GPR37: variants seen among roughly 807,000 people sequenced by gnomAD.
GPR37 encodes the protein G protein-coupled receptor 37.
In GPR37, 20 loss-of-function variants were observed where a neutral mutation model predicts 43.6. That is an observed-to-expected ratio of 0.46 (90% CI 0.32 to 0.67). The LOEUF (loss-of-function observed/expected upper bound fraction) is 0.67. Ranked by LOEUF, GPR37 falls within the 30% of genes least tolerant of loss-of-function variation. The pLI, the probability that GPR37 is intolerant of heterozygous loss-of-function variation, is 0.03. For missense variants in GPR37, 724 were observed against 797.2 expected, an observed-to-expected ratio of 0.91 and a Z score of 1.11; for synonymous variants, 315 against 322.6, an observed-to-expected ratio of 0.98 and a Z score of 0.25.
intron 1 of GPR37, among the ~76,000 whole-genome samples, chr7:124,758,396 T>C (rs2116322877): frequency 6.6e-6 from 1 of 152,352 alleles, no homozygotes; most frequent in African/African-American, 2.4e-5. Context: ...AGAATACTAT[T>C]AGTAACTTTA....
Position 124,764,075 on chromosome 7 carries a change from G to A in GPR37, c.902C>T (p.Ala301Val). 6.2e-7 allele frequency: 1 copy of A among 1,614,186 alleles called. No individual in the cohort carries two copies. Among genetic ancestry groups the A allele is most frequent in the Non-Finnish European group, 8.5e-7 (1 of 1,180,026 alleles). ...GAGAAAGTCCCAGAAGGCCAGGTTG[G>A]CCAAGAGGGAGTTGGAGATGCTCCG... ...YMRSISNSLL[A>V]NLAFWDFLII... The change falls in exon 1 of 2, where the codon GCC becomes GTC. Residue 301 changes from alanine to valine, a missense_variant. Ala to Val is a moderately conservative substitution (Grantham distance 64, BLOSUM62 0). Around this residue, in one of 2 missense-constraint regions of GPR37, gnomAD observed 342 missense variants for 441.8 expected, o/e 0.77. Transcript: ENST00000303921. The surrounding 1 kb of genome is among the most constrained non-coding windows in gnomAD (Gnocchi z 5.4).
chr7:124,764,727 G>T lies in GPR37; in HGVS notation c.250C>A (p.Pro84Thr). ...EEQGAAFLAG[P>T]SWDLPAAPGR... ...GGGGCCGCCGGCAGGTCCCAGGAGG[G>T]TCCCGCAAGAAACGCTGCCCCCTGC... The change falls in exon 1 of 2, where the codon CCC becomes ACC. Residue 84 changes from proline (P) to threonine (T), a missense_variant. Physicochemically the swap from Pro to Thr is conservative, Grantham distance 38. Transcript: ENST00000303921. The surrounding 1 kb of genome is among the most constrained non-coding windows in gnomAD (Gnocchi z 5.4). 1 of 1,608,740 alleles carries T rather than the reference G, an allele frequency of 6.2e-7. No individual in the cohort carries two copies. The highest frequency in any genetic ancestry group is 8.5e-7 in the Non-Finnish European group (1 of 1,179,298).
At position 124,744,887 on chromosome 7, in the gene GPR37, TCTGCTCAG is replaced by T. The variant is rs990672044; in HGVS notation, c.*1630_*1637del. 3.9e-5 allele frequency: 6 copies of T among 152,124 alleles called. No homozygotes were observed. The highest frequency in any genetic ancestry group is 6.6e-5 in the Admixed American group (1 of 15,250). 9.4% of individuals were successfully genotyped at this position (152,124 alleles called of 1,614,324 possible). On this transcript the variant is annotated 3_prime_UTR_variant, in exon 2 of 2. Coordinates refer to ENST00000303921, the MANE Select transcript of GPR37 (RefSeq NM_005302.5). ...GACACTATGGAATCACAGTTGCTGT[TCTGCTCAG>T]CAGCCAAAACCTAGCTCAGGTGTCC...
intron 1 of GPR37, among the ~76,000 whole-genome samples, chr7:124,755,467 T>A (rs1793781531): frequency 6.6e-6 from 1 of 152,172 alleles, no homozygotes; most frequent in African/African-American, 2.4e-5. Flanking sequence ...TCCCAAAACT[T>A]GTCTTGATTC....
chr7:124,758,041 GT>G lies in GPR37; in HGVS notation c.1023+5912del, dbSNP rs149946300. Reference sequence around the variant, plus strand: ...GCCAGACAATATCTATAGAAGGGAAGTTAAAAAATCAATTTTCCTATTTATA... The same window carrying G: ...GCCAGACAATATCTATAGAAGGGAAGTAAAAAATCAATTTTCCTATTTATA... On this transcript the variant is annotated intron_variant, in intron 1 of 1. Coordinates refer to ENST00000303921, the MANE Select transcript of GPR37 (RefSeq NM_005302.5). 7.8e-3 allele frequency among the ~76,000 whole-genome samples: 1,187 copies of G among 152,238 alleles called. 18 individuals are homozygous for G. Among genetic ancestry groups the G allele is most frequent in the African/African-American group, 0.027 (1,139 of 41,536 alleles).
At chr7:124,759,087 G>A (rs1348951354) in intron 1 of GPR37, among the ~76,000 whole-genome samples, 2 of 138,412 alleles carry the variant, frequency 1.4e-5, no homozygotes, top group Admixed American at 7.1e-5. Context: ...TTTTTTTTGA[G>A]ACAGGGTCCC....
chr7:124,757,464 T>C (rs547681859), intron 1 of GPR37, among the ~76,000 whole-genome samples: 71 of 152,278 alleles, frequency 4.7e-4, no homozygotes, highest in African/African-American at 1.7e-3. Context: ...CTGGGAAAGC[T>C]AAAGGAAACA....
Position 124,761,470 on chromosome 7 carries a change from A to G in GPR37, c.1023+2484T>C, listed in dbSNP as rs76825073. Among the ~76,000 whole-genome samples the G allele has an allele frequency of 6.1e-3, 924 of 152,250 alleles. 10 individuals carry two copies. The highest frequency in any genetic ancestry group is 0.021 in the African/African-American group (892 of 41,536). ...GGCTGCATGGCCATCCCAGCCCTAA[A>G]GCTCCTAATGGTGTCAGCTGAGGTC... On this transcript the variant is annotated intron_variant, in intron 1 of 1. Transcript: ENST00000303921.
intron 1 of GPR37, among the ~76,000 whole-genome samples, chr7:124,749,995 G>T (rs1255462630): frequency 6.6e-6 from 1 of 151,922 alleles, no homozygotes; most frequent in African/African-American, 2.4e-5. Flanking sequence ...AATTTGTTTT[G>T]CGTCTATGCT....
rs724356 is a variant in GPR37, at chr7:124,747,320, A to T, written c.1047T>A (p.Thr349=). ...CTATGCACAGAGCACATAAGGTGAA[A>T]GTGGTGACTCCCAGAGAAGCGACCT... The part of the protein sequence containing the change: ...YIEVASLGVT[T]FTLCALCIDR... Residue 349 remains threonine, a synonymous_variant, in exon 2 of 2, where the codon ACT becomes ACA. Transcript: ENST00000303921. 6.2e-7 allele frequency: 1 copy of T among 1,611,546 alleles called. No individual in the cohort carries two copies. Among genetic ancestry groups the T allele is most frequent in the East Asian group, 2.2e-5 (1 of 44,826 alleles).
chr7:124,747,442 G>A, intron 1 of GPR37, 99 bp from the exon 2 acceptor site: 5 of 708,900 alleles, frequency 7.1e-6, no homozygotes, highest in South Asian at 2.0e-5. Context: ...AAAAAAATAT[G>A]GATAAATAAA....
intron 1 of GPR37, among the ~76,000 whole-genome samples, chr7:124,756,085 T>G (rs925781950): frequency 6.6e-6 from 1 of 152,200 alleles, no homozygotes; most frequent in Non-Finnish European, 1.5e-5. Flanking sequence ...CTTGATTCAA[T>G]CTTCTTATAA....
intron 1 of GPR37, among the ~76,000 whole-genome samples, chr7:124,756,263 C>T (rs1162888035): frequency 2.0e-5 from 3 of 152,190 alleles, no homozygotes; most frequent in African/African-American, 7.2e-5. Flanking sequence ...AAGTAACATC[C>T]CTGAATAGAG....
intron 1 of GPR37, 75 bp from the exon 2 acceptor site, chr7:124,747,418 T>G: frequency 1.1e-6 from 1 of 891,806 alleles, no homozygotes; most frequent in Admixed American, 2.7e-5. Flanking sequence ...AAATGCAGAT[T>G]GGCAAAACTG....
intron 1 of GPR37, among the ~76,000 whole-genome samples, chr7:124,752,919 G>A (rs966228984): frequency 2.0e-5 from 3 of 151,990 alleles, no homozygotes; most frequent in African/African-American, 7.2e-5. Flanking sequence ...CAGAATTCAT[G>A]TCTAAATGTA....
At chr7:124,761,566 A>G (rs1380932503) in intron 1 of GPR37, among the ~76,000 whole-genome samples, 2 of 152,182 alleles carry the variant, frequency 1.3e-5, no homozygotes, top group East Asian at 3.9e-4. Flanking sequence ...TTTCCTTAAT[A>G]GGTTGAACCT....
intron 1 of GPR37, among the ~76,000 whole-genome samples, chr7:124,753,847 T>G (rs1705616995): frequency 6.6e-6 from 1 of 152,090 alleles, no homozygotes. Flanking sequence ...AACATGTATT[T>G]ATGAGATCGT....
chr7:124,755,456 C>T (rs1793781452), intron 1 of GPR37, among the ~76,000 whole-genome samples: 1 of 152,098 alleles, frequency 6.6e-6, no homozygotes, highest in Admixed American at 6.6e-5. Flanking sequence ...TCAACATATT[C>T]TCCCAAAACT....
intron 1 of GPR37, among the ~76,000 whole-genome samples, chr7:124,755,754 A>G (rs1793784254): frequency 6.6e-6 from 1 of 152,164 alleles, no homozygotes; most frequent in African/African-American, 2.4e-5. Context: ...TCAAAATGTA[A>G]TATTTCCCCC....
Sources: gnomAD v4.1 joint callset for allele counts (sites outside exome capture counted in the v4.1 genomes callset) on GRCh38, gnomAD v4.1.1 for gene constraint, gnomAD v4.1.1 regional missense constraint, Gnocchi (gnomAD v3.1) non-coding constraint, MANE v1.5 for transcripts, NCBI Gene and HGNC (gene_info 2026-07-23, HGNC 2026-07-21) for gene names.